Variants in P3H4 observed in about 807,000 individuals in gnomAD.
The protein encoded by P3H4 is prolyl 3-hydroxylase family member 4 (inactive).
In P3H4, 47 loss-of-function variants were observed where a neutral mutation model predicts 52.9. The observed-to-expected ratio is 0.89, with a 90% confidence interval of 0.70 to 1.13. P3H4 has a LOEUF of 1.13. Ranked by LOEUF, P3H4 falls within the 50% of genes most tolerant of loss-of-function variation. The pLI is 0.00. For missense variants in P3H4, 585 were observed against 611.0 expected (o/e 0.96, Z 0.45); for synonymous variants, 256 against 267.9 (o/e 0.96, Z 0.44).
Position 41,803,108 on chromosome 17 carries a change from G to C in P3H4, c.1292-129C>G. The stretch of plus-strand genomic sequence containing the variant: ...GTCTCAGCTGGTCCCAGCTCCAGGG[G>C]AGATGCTGCACCACCACCCCCAAGC... On this transcript the variant is annotated intron_variant, in intron 7 of 7. Coordinates refer to ENST00000393928, the MANE Select transcript of P3H4 (RefSeq NM_006455.3). 4 of 1,422,930 alleles carry C rather than the reference G, an allele frequency of 2.8e-6. No individual in the cohort carries two copies. The South Asian group carries it at 4.0e-5, about 14-fold the overall frequency. The allele number at this position is 1,422,930 out of a possible 1,614,324, so 88.1% of individuals were successfully genotyped here.
At position 41,811,079 on chromosome 17, in the gene P3H4, C is replaced by G; in HGVS notation, c.616-45G>C. ...GGGAGTCAGGGCGCCCCCAACATCT[C>G]CCCTCCTCTACTAGCCCTCCTCTAC... On this transcript the variant is annotated intron_variant, in intron 2 of 7. Transcript: ENST00000393928. The surrounding 1 kb of genome is among the most constrained non-coding windows in gnomAD (Gnocchi z 4.8). 6.2e-7 allele frequency: 1 copy of G among 1,609,398 alleles called. No homozygotes were observed. Among genetic ancestry groups the G allele is most frequent in the Middle Eastern group, 1.7e-4 (1 of 6,042 alleles).
chr17:41,803,366 C>T lies in P3H4; in HGVS notation c.1212G>A (p.Glu404=), dbSNP rs782087488. Residue 404 remains glutamate (E), a synonymous_variant, in exon 7 of 8, where the codon GAG becomes GAA. Coordinates refer to ENST00000393928, the MANE Select transcript of P3H4 (RefSeq NM_006455.3). ...TGCCCTCCTCGTAGTCACCCTCCCC[C>T]TCAAACTCGGCGTCAGATAGGGCAT... ...PEDALSDAEF[E]GEGDYEEGMY... is the part of the protein sequence containing the mutation. 5 of 1,614,138 alleles carry T rather than the reference C, an allele frequency of 3.1e-6. No individual in the cohort carries two copies. Among genetic ancestry groups the T allele is most frequent in the African/African-American group, 1.3e-5 (1 of 75,062 alleles).
At chr17:41,810,502 G>A (rs1470300689) in intron 3 of P3H4, among the ~76,000 whole-genome samples, 1 of 152,056 alleles carries the variant, frequency 6.6e-6, no homozygotes. Context: ...CTGCTCGAGG[G>A]ACCCCAGGGT....
Position 41,805,306 on chromosome 17 carries a change from A to AAACAAACAAACAAACAAAC in P3H4, c.1146+1489_1146+1490insGTTTGTTTGTTTGTTTGTT, listed in dbSNP as rs1555614054. Among the ~76,000 whole-genome samples, 1,113 of 124,316 alleles carry AAACAAACAAACAAACAAAC rather than the reference A, an allele frequency of 9.0e-3. 4 individuals carry two copies. The highest frequency in any genetic ancestry group is 0.026 in the Middle Eastern group (7 of 274). 81.6% of individuals were successfully genotyped at this position (124,316 alleles called of 152,430 possible). A position where few individuals can be genotyped will look rare whatever the true frequency, so the allele number is the denominator to read the frequency against. On this transcript the variant is annotated intron_variant, in intron 6 of 7. Coordinates refer to ENST00000393928, the MANE Select transcript of P3H4 (RefSeq NM_006455.3). ...TCTGTCTCAAAAACAAACAAACAAA[A>AAACAAACAAACAAACAAAC]AAACATACTTGATCTCACTTAATTC...
rs2047639193 is a variant in P3H4, at chr17:41,803,413, C to T, written c.1165G>A (p.Glu389Lys). The T allele has an allele frequency of 1.2e-6, 2 of 1,613,872 alleles. No homozygotes were observed. Among genetic ancestry groups the T allele is most frequent in the Non-Finnish European group, 1.7e-6 (2 of 1,179,880 alleles). ...SDDEMELEETEPPLEPEDALS... is the reference protein window; with the variant it reads ...SDDEMELEETKPPLEPEDALS... ...GCATCCTCAGGCTCCAGGGGCGGTT[C>T]TGTCTCCTCCAGCTCCATCTAGAGT... Residue 389 changes from glutamate (E) to lysine (K), a missense_variant, in exon 7 of 8, where the codon GAA (glutamate) becomes AAA (lysine). Physicochemically the swap from Glu to Lys is moderately conservative, Grantham distance 56 (BLOSUM62 1). Transcript: ENST00000393928.
At chr17:41,809,923 C>T (rs552844230) in intron 3 of P3H4, 89 bp from the exon 4 acceptor site, 80 of 1,466,276 alleles carry the variant, frequency 5.5e-5, no homozygotes, top group Non-Finnish European at 7.4e-5. Context: ...CAATCTCTGC[C>T]TACTAAGCCA....
At chr17:41,808,147 C>CCACTACATGCT in intron 4 of P3H4, 143 bp from the exon 5 acceptor site, 5 of 1,044,496 alleles carry the variant, frequency 4.8e-6, no homozygotes, top group Non-Finnish European at 6.8e-6. Flanking sequence ...AGCATAATGC[C>CCACTACATGCT]AGCTAGCATG....
At chr17:41,806,934 C>T in intron 5 of P3H4, 55 bp from the exon 6 acceptor site, 12 of 1,428,010 alleles carry the variant, frequency 8.4e-6, no homozygotes, top group Non-Finnish European at 1.1e-5. Context: ...TGCCAGATGG[C>T]AAGAAGCCAG....
intron 6 of P3H4, among the ~76,000 whole-genome samples, chr17:41,806,523 AAGAGCC>A (rs2047675748): frequency 1.3e-5 from 2 of 152,202 alleles, no homozygotes; most frequent in African/African-American, 4.8e-5. Flanking sequence ...GCCCAGAACA[AAGAGCC>A]AGGGCATGCA....
Position 41,811,877 on chromosome 17 carries a change from C to T in P3H4, c.39G>A (p.Leu13=), listed in dbSNP as rs782706980. The change falls in exon 1 of 8, where the codon CTG becomes CTA. Residue 13 remains leucine (L), a synonymous_variant. Coordinates refer to ENST00000393928, the MANE Select transcript of P3H4 (RefSeq NM_006455.3). The surrounding 1 kb of genome is among the most constrained non-coding windows in gnomAD (Gnocchi z 4.8). ...RVAWGLLWLL[L]GSAGAQYEKY... is the part of the protein sequence containing the mutation. ...TCTCGTACTGCGCCCCGGCGCTGCC[C>T]AGCAGCAACCACAGCAGCCCCCACG... 3.3e-6 allele frequency: 5 copies of T among 1,532,858 alleles called. No individual in the cohort carries two copies. The East Asian group carries it at 1.0e-4, about 32-fold the overall frequency. 95.0% of individuals were successfully genotyped at this position (1,532,858 alleles called of 1,614,324 possible). A position where few individuals can be genotyped will look rare whatever the true frequency, so the allele number is the denominator to read the frequency against.
Position 41,803,426 on chromosome 17 carries a change from C to T in P3H4, c.1152G>A (p.Glu384=). Residue 384 remains glutamate (E), a synonymous_variant, in exon 7 of 8, where the codon GAG becomes GAA. Transcript: ENST00000393928. ...CCAGGGGCGGTTCTGTCTCCTCCAGCTCCATCTAGAGTAGCGCCACGGTTG... is the reference window on the plus strand; with the variant it reads ...CCAGGGGCGGTTCTGTCTCCTCCAGTTCCATCTAGAGTAGCGCCACGGTTG... The part of the protein sequence containing the change: ...HMYLQSDDEM[E]LEETEPPLEP... 2 of 1,613,698 alleles carry T rather than the reference C, an allele frequency of 1.2e-6. No individual in the cohort carries two copies. The highest frequency in any genetic ancestry group is 2.2e-5 in the South Asian group (2 of 91,056).
rs781872433 is a variant in P3H4 at position 41,811,807 on chromosome 17, C to T, written c.109G>A (p.Ala37Thr). 6.5e-6 allele frequency: 10 copies of T among 1,536,966 alleles called. No individual in the cohort carries two copies. The highest frequency in any genetic ancestry group is 1.9e-5 in the Admixed American group (1 of 51,584). The change falls in exon 1 of 8, where the codon GCC becomes ACC. Residue 37 changes from alanine (A) to threonine (T), a missense_variant. Transcript: ENST00000393928. The surrounding 1 kb of genome is among the most constrained non-coding windows in gnomAD (Gnocchi z 4.8). ...TCCAGAGCGTGCCCGTACGCCGCGGCCAGCGGCATCAGGTCCTCGGGCGGG... is the reference window on the plus strand; with the variant it reads ...TCCAGAGCGTGCCCGTACGCCGCGGTCAGCGGCATCAGGTCCTCGGGCGGG... ...GFPPEDLMPL[A>T]AAYGHALEQY...
intron 4 of P3H4, 25 bp from the exon 5 acceptor site, chr17:41,808,029 T>G (rs1555614459): frequency 6.2e-7 from 1 of 1,603,426 alleles, no homozygotes; most frequent in South Asian, 1.1e-5. Flanking sequence ...GGGTGAGGAA[T>G]TGCTCTGGCA....
intron 6 of P3H4, among the ~76,000 whole-genome samples, chr17:41,806,133 C>T (rs1210847859): frequency 2.0e-5 from 3 of 151,816 alleles, no homozygotes; most frequent in East Asian, 1.9e-4. Context: ...GCAGGAGCAT[C>T]GTGTGAACCC....
At chr17:41,806,299 T>C (rs1555614164) in intron 6 of P3H4, among the ~76,000 whole-genome samples, 1 of 152,228 alleles carries the variant, frequency 6.6e-6, no homozygotes, top group Non-Finnish European at 1.5e-5. Flanking sequence ...CTGCATTCAT[T>C]CATTCACTGG....
rs781992942 is a variant in P3H4 at position 41,809,841 on chromosome 17, G to A, written c.788-7C>T. 7.5e-6 allele frequency: 12 copies of A among 1,607,916 alleles called. No individual in the cohort carries two copies. Among genetic ancestry groups the A allele is most frequent in the Non-Finnish European group, 1.0e-5 (12 of 1,175,890 alleles). Reference sequence around the variant, plus strand: ...AGGGACTCTGCAAAGAGATCTGAGGGTGGGAGGCAGCAGTGAGAGGCTGGC... The same window carrying A: ...AGGGACTCTGCAAAGAGATCTGAGGATGGGAGGCAGCAGTGAGAGGCTGGC... On this transcript the variant is annotated splice_polypyrimidine_tract_variant and splice_region_variant and intron_variant, in intron 3 of 7. Transcript: ENST00000393928.
Position 41,811,055 on chromosome 17 carries a change from G to A in P3H4, c.616-21C>T. The A allele has an allele frequency of 6.2e-7, 1 of 1,608,516 alleles. No individual in the cohort carries two copies. Among genetic ancestry groups the A allele is most frequent in the South Asian group, 1.1e-5 (1 of 90,868 alleles). On this transcript the variant is annotated intron_variant, in intron 2 of 7. Coordinates refer to ENST00000393928, the MANE Select transcript of P3H4 (RefSeq NM_006455.3). The surrounding 1 kb of genome is among the most constrained non-coding windows in gnomAD (Gnocchi z 4.8). ...ACGGCCTGGAAGGGGCGTGGCAGGG[G>A]GAGTCAGGGCGCCCCCAACATCTCC...
rs2144033093 is a variant in P3H4 at position 41,811,375 on chromosome 17, A to G, written c.462+79T>C. 1.2e-6 allele frequency: 2 copies of G among 1,606,306 alleles called. No individual in the cohort carries two copies. Among genetic ancestry groups the G allele is most frequent in the East Asian group, 2.2e-5 (1 of 44,792 alleles). ...GGCGGGCTTCGTGCCTTGGGTGAAG[A>G]TAACGCTCCTTCGACCGATCTGTGG... On this transcript the variant is annotated intron_variant, in intron 1 of 7. Transcript: ENST00000393928. This position sits in a 1 kb window ranked among gnomAD's most constrained non-coding sequence, Gnocchi z 4.8.
At position 41,809,839 on chromosome 17, in the gene P3H4, G is replaced by T. The variant is rs782738508; in HGVS notation, c.788-5C>A. 1 of 1,608,624 alleles carries T rather than the reference G, an allele frequency of 6.2e-7. No individual in the cohort carries two copies. The highest frequency in any genetic ancestry group is 1.3e-5 in the African/African-American group (1 of 74,872). On this transcript the variant is annotated splice_polypyrimidine_tract_variant and splice_region_variant and intron_variant, in intron 3 of 7. Transcript: ENST00000393928. ...GCAGGGACTCTGCAAAGAGATCTGA[G>T]GGTGGGAGGCAGCAGTGAGAGGCTG... is the stretch of plus-strand genomic sequence containing the variant.
Sources: gnomAD v4.1 joint callset for allele counts (sites outside exome capture counted in the v4.1 genomes callset) on GRCh38, gnomAD v4.1.1 for gene constraint, Gnocchi (gnomAD v3.1) non-coding constraint, MANE v1.5 for transcripts, NCBI Gene and HGNC (gene_info 2026-07-23, HGNC 2026-07-21) for gene names.